Variants in ZNF609 observed in about 807,000 individuals in gnomAD.
ZNF609 encodes the protein zinc finger protein 609.
A neutral mutation model predicts 109.5 loss-of-function variants in ZNF609; 11 were observed. The ratio of observed to expected loss-of-function variants is 0.10; its 90% CI spans 0.06 to 0.17. ZNF609 has a LOEUF of 0.17. ZNF609 is among the 10% of genes least tolerant of loss of function. The pLI, the probability that ZNF609 is intolerant of heterozygous loss-of-function variation, is 1.00. For missense variants in ZNF609, 1,559 were observed against 1,772.4 expected, an observed-to-expected ratio of 0.88 and a Z score of 2.16; for synonymous variants, 646 against 662.0, an observed-to-expected ratio of 0.98 and a Z score of 0.37.
chr15:64,482,793 T>C (rs571892880), intron 1 of ZNF609, among the ~76,000 whole-genome samples: 21 of 152,300 alleles, frequency 1.4e-4, no homozygotes, highest in Non-Finnish European at 2.6e-4. Context: ...AAAAGACTTA[T>C]GGTAAGGAAG....
intron 5 of ZNF609, 62 bp downstream of exon 5, chr15:64,676,318 A>G: frequency 6.7e-7 from 1 of 1,492,470 alleles, no homozygotes; most frequent in East Asian, 2.3e-5. Flanking sequence ...TTCCTCACAA[A>G]TAAGGGCTGT....
chr15:64,560,420 C>T (rs1894657986), intron 2 of ZNF609, among the ~76,000 whole-genome samples: 2 of 151,712 alleles, frequency 1.3e-5, no homozygotes, highest in Non-Finnish European at 2.9e-5. Flanking sequence ...GATGTTATTC[C>T]ATCTAGATAG....
chr15:64,596,309 A>T lies in ZNF609; in HGVS notation c.748-26518A>T, dbSNP rs528153665. ...GCTGGGATTACAGGCATGCACCACC[A>T]TGCCCGGCTAATTTTTTTGTATTTT... On this transcript the variant is annotated intron_variant, in intron 2 of 9. Coordinates refer to ENST00000326648, the MANE Select transcript of ZNF609 (RefSeq NM_015042.2). Among the ~76,000 whole-genome samples the T allele has an allele frequency of 2.0e-5, 3 of 152,184 alleles. No individual in the cohort carries two copies. The East Asian group carries it at 5.8e-4, about 29-fold the overall frequency.
At chr15:64,583,834 C>G (rs545637351) in intron 2 of ZNF609, among the ~76,000 whole-genome samples, 1 of 152,148 alleles carries the variant, frequency 6.6e-6, no homozygotes, top group East Asian at 1.9e-4. Context: ...GTTTTGAACC[C>G]TACGCTCTTT....
chr15:64,500,067 T>C lies in ZNF609; in HGVS notation c.648T>C (p.Ala216=). The part of the protein sequence containing the change: ...TGAVEPLGSI[A]IEPGAALNPL... ...CTGTGGAGCCACTTGGGAGTATAGCTATTGAGCCTGGGGCAGCGCTCAATC... is the reference window on the plus strand; with the variant it reads ...CTGTGGAGCCACTTGGGAGTATAGCCATTGAGCCTGGGGCAGCGCTCAATC... The change falls in exon 2 of 10, where the codon GCT becomes GCC. Residue 216 remains alanine (A), a synonymous_variant. Transcript: ENST00000326648. 2 of 1,614,112 alleles carry C rather than the reference T, an allele frequency of 1.2e-6. No homozygotes were observed.
In ZNF609 at chr15:64,525,349, T is replaced by A. The variant is rs776536372; in HGVS notation, c.747+25183T>A. Among the ~76,000 whole-genome samples, 8 of 152,316 alleles carry A rather than the reference T, an allele frequency of 5.3e-5. No homozygotes were observed. The South Asian group carries it at 1.4e-3, about 28-fold the overall frequency. On this transcript the variant is annotated intron_variant, in intron 2 of 9. Coordinates refer to ENST00000326648, the MANE Select transcript of ZNF609 (RefSeq NM_015042.2). ...TTGAAAAGACTATTCTTACCCCACA[T>A]TGAATTTTCTTGACACCCTTGTTGA...
At chr15:64,608,959 A>G (rs1895659851) in intron 2 of ZNF609, among the ~76,000 whole-genome samples, 1 of 151,998 alleles carries the variant, frequency 6.6e-6, no homozygotes, top group Non-Finnish European at 1.5e-5. Context: ...CAGATCTGGA[A>G]ATCCTGGGCT....
intron 1 of ZNF609, among the ~76,000 whole-genome samples, chr15:64,498,037 C>G (rs1446668627): frequency 2.6e-5 from 4 of 152,048 alleles, no homozygotes; most frequent in African/African-American, 9.7e-5. Flanking sequence ...AGATGGCACA[C>G]TCCTCAAGTC....
At chr15:64,627,201 AC>A (rs1380109575) in intron 3 of ZNF609, among the ~76,000 whole-genome samples, 10 of 152,082 alleles carry the variant, frequency 6.6e-5, no homozygotes, top group African/African-American at 1.2e-4. Flanking sequence ...CAAAAAAAAA[AC>A]AAAAAAAAAC....
rs193114248 is a variant in ZNF609 at position 64,605,227 on chromosome 15, C to T, written c.748-17600C>T. On this transcript the variant is annotated intron_variant, in intron 2 of 9. Transcript: ENST00000326648. ...TATTAGTCCTTCTAGCTTAAGGTAC[C>T]AAAGGAAGAAAGAAACAGTATAACC... Among the ~76,000 whole-genome samples the T allele has an allele frequency of 8.7e-4, 132 of 152,194 alleles. 1 individual carries two copies. The highest frequency in any genetic ancestry group is 3.0e-3 in the African/African-American group (124 of 41,522).
intron 2 of ZNF609, among the ~76,000 whole-genome samples, chr15:64,586,326 CAAAA>C (rs1206630683): frequency 6.5e-5 from 6 of 92,872 alleles, no homozygotes; most frequent in Non-Finnish European, 7.3e-5. Context: ...AACTCGGTCT[CAAAA>C]AAAAAAAAAA....
At chr15:64,578,942 C>CA (rs1240971268) in intron 2 of ZNF609, among the ~76,000 whole-genome samples, 1 of 152,058 alleles carries the variant, frequency 6.6e-6, no homozygotes, top group African/African-American at 2.4e-5. Flanking sequence ...GTTGAGGCTG[C>CA]AGTGAGCTTT....
At chr15:64,635,801 G>A (rs184361974) in intron 3 of ZNF609, among the ~76,000 whole-genome samples, 1 of 152,254 alleles carries the variant, frequency 6.6e-6, no homozygotes, top group East Asian at 1.9e-4. Context: ...TGCTACTGAG[G>A]CTGCTGCTGC....
chr15:64,646,627 T>C (rs1595751330), intron 3 of ZNF609, among the ~76,000 whole-genome samples: 10 of 51,802 alleles, frequency 1.9e-4, no homozygotes, highest in Admixed American at 3.0e-4. Context: ...GAAACAAGAC[T>C]CCATCTCAAA....
At chr15:64,475,097 C>CTTT (rs56289189) in intron 1 of ZNF609, among the ~76,000 whole-genome samples, 1 of 93,056 alleles carries the variant, frequency 1.1e-5, no homozygotes, top group Admixed American at 1.2e-4. Context: ...CCAGTTTATC[C>CTTT]TTTTTTTTTT....
chr15:64,490,131 T>A (rs112644552), intron 1 of ZNF609, among the ~76,000 whole-genome samples: 48 of 152,182 alleles, frequency 3.2e-4, no homozygotes, highest in Admixed American at 5.9e-4. Context: ...GCTAATTTTT[T>A]ATTTTTATTT....
chr15:64,607,644 A>G (rs1342506550), intron 2 of ZNF609, among the ~76,000 whole-genome samples: 1 of 151,146 alleles, frequency 6.6e-6, no homozygotes, highest in Non-Finnish European at 1.5e-5. Flanking sequence ...AGCTGGAATT[A>G]CAGGCATCTG....
At chr15:64,678,042 T>C in intron 5 of ZNF609, 74 bp from the exon 6 acceptor site, 10 of 1,540,724 alleles carry the variant, frequency 6.5e-6, no homozygotes, top group Non-Finnish European at 8.7e-6. Context: ...CTGGTGGTTC[T>C]ACTGGGACCT....
intron 2 of ZNF609, among the ~76,000 whole-genome samples, chr15:64,533,278 T>A (rs553672074): frequency 6.6e-6 from 1 of 152,298 alleles, no homozygotes; most frequent in South Asian, 2.1e-4. Flanking sequence ...CTCGAACTCA[T>A]GGGCTCAAGC....
Sources: allele counts gnomAD v4.1 joint callset (sites outside exome capture counted in the v4.1 genomes callset), GRCh38; gene constraint gnomAD v4.1.1; transcripts MANE v1.5; gene names NCBI Gene and HGNC (gene_info 2026-07-23, HGNC 2026-07-21).